The following P2RX7 variants were observed in gnomAD, a reference collection of about 807,000 sequenced individuals.
P2RX7 encodes purinergic receptor P2X 7, also known as P2X purinoceptor 7.
In P2RX7, 62 loss-of-function variants were observed where a neutral mutation model predicts 71.6. That is an observed-to-expected ratio of 0.87 (90% CI 0.71 to 1.07). The LOEUF (loss-of-function observed/expected upper bound fraction) is 1.07, where lower values mean the gene tolerates loss of function less well. Ranked by LOEUF, P2RX7 falls within the 50% of genes least tolerant of loss-of-function variation. P2RX7 has a pLI of 0.00. For synonymous variants in P2RX7, 299 were observed against 283.3 expected (o/e 1.06, Z -0.56); for missense variants, 686 against 748.5 (o/e 0.92, Z 0.97).
intron 3 of P2RX7, among the ~76,000 whole-genome samples, chr12:121,157,692 A>G (rs941236433): frequency 6.6e-6 from 1 of 152,234 alleles, no homozygotes; most frequent in Non-Finnish European, 1.5e-5. Flanking sequence ...CCAGAGATTA[A>G]GAGCCTGGGC....
intron 1 of P2RX7, among the ~76,000 whole-genome samples, chr12:121,139,837 C>T (rs1043092571): frequency 2.0e-5 from 3 of 149,952 alleles, no homozygotes; most frequent in East Asian, 2.0e-4. Context: ...TGGGTTCATG[C>T]GATTCTCCTG....
intron 1 of P2RX7, among the ~76,000 whole-genome samples, chr12:121,148,369 C>T (rs1047592836): frequency 3.9e-5 from 6 of 151,928 alleles, no homozygotes; most frequent in South Asian, 2.1e-4. Flanking sequence ...CACCCATCAC[C>T]GCACCTAGCT....
chr12:121,167,952 A>C (rs1881446123), intron 8 of P2RX7, among the ~76,000 whole-genome samples: 1 of 151,978 alleles, frequency 6.6e-6, no homozygotes, highest in African/African-American at 2.4e-5. Context: ...AGCTGAGATT[A>C]TAGGCGGATG....
chr12:121,141,337 G>A (rs117692465), intron 1 of P2RX7, among the ~76,000 whole-genome samples: 5,794 of 152,274 alleles, frequency 0.038, 145 homozygotes, highest in Middle Eastern at 0.11. Flanking sequence ...GCAGGCCTCC[G>A]GGGATGCTGC....
intron 1 of P2RX7, among the ~76,000 whole-genome samples, chr12:121,137,679 A>C (rs79600238): frequency 6.6e-6 from 1 of 152,326 alleles, no homozygotes; most frequent in East Asian, 1.9e-4. Context: ...GTGAAGCCTT[A>C]AGTTCGTGTA....
Position 121,184,673 on chromosome 12 carries a change from C to T in P2RX7, c.1659C>T (p.Tyr553=), listed in dbSNP as rs200109812. 9.5e-6 allele frequency: 15 copies of T among 1,584,508 alleles called. No homozygotes were observed. Among genetic ancestry groups the T allele is most frequent in the Non-Finnish European group, 1.2e-5 (14 of 1,165,692 alleles). The part of the protein sequence containing the change: ...SRLRHCAYRC[Y]ATWRFGSQDM... ...TGCGGCACTGTGCCTACAGGTGCTA[C>T]GCCACCTGGCGCTTCGGCTCCCAGG... The change falls in exon 13 of 13, where the codon TAC becomes TAT. Residue 553 remains tyrosine, a synonymous_variant. Transcript: ENST00000328963.
intron 12 of P2RX7, among the ~76,000 whole-genome samples, chr12:121,181,114 G>A (rs1884078451): frequency 6.6e-6 from 1 of 152,176 alleles, no homozygotes; most frequent in Non-Finnish European, 1.5e-5. Context: ...TGTTTCCAAA[G>A]ATTAATTTTA....
At position 121,177,389 on chromosome 12, in the gene P2RX7, T is replaced by C; in HGVS notation, c.1131T>C (p.Cys377=). ...CCTGGTGCAAGTGCTGTCAGCCCTG[T>C]GTGGTCAACGAATACTACTACAGGA... ...IYPWCKCCQP[C]VVNEYYYRKK... Residue 377 remains cysteine (C), a synonymous_variant, in exon 11 of 13, where the codon TGT becomes TGC. Transcript: ENST00000328963. The C allele has an allele frequency of 1.2e-6, 2 of 1,613,906 alleles. No homozygotes were observed.
intron 5 of P2RX7, among the ~76,000 whole-genome samples, chr12:121,162,980 G>A (rs1305093728): frequency 6.6e-6 from 1 of 151,432 alleles, no homozygotes; most frequent in Non-Finnish European, 1.5e-5. Context: ...TAAAAGAGGG[G>A]GGGAAGGAAG....
chr12:121,179,886 A>C (rs1231411939), intron 11 of P2RX7, among the ~76,000 whole-genome samples: 1 of 152,042 alleles, frequency 6.6e-6, no homozygotes, highest in Admixed American at 6.6e-5. Flanking sequence ...GTGGTGGCTC[A>C]CTCCTGTAAT....
intron 1 of P2RX7, among the ~76,000 whole-genome samples, chr12:121,151,471 A>G (rs1593037906): frequency 6.6e-6 from 1 of 152,030 alleles, no homozygotes; most frequent in Non-Finnish European, 1.5e-5. Flanking sequence ...CAGATGATCC[A>G]CCTGCCTCGG....
Position 121,180,451 on chromosome 12 carries a change from T to C in P2RX7, c.1286T>C (p.Val429Ala), listed in dbSNP as rs749180269. 1.3e-6 allele frequency: 2 copies of C among 1,526,294 alleles called. No homozygotes were observed. Among genetic ancestry groups the C allele is most frequent in the South Asian group, 2.4e-5 (2 of 83,192 alleles). 94.5% of individuals were successfully genotyped at this position (1,526,294 alleles called of 1,614,324 possible). A position where few individuals can be genotyped will look rare whatever the true frequency, so the allele number is the denominator to read the frequency against. Residue 429 changes from valine (V) to alanine (A), a missense_variant, in exon 12 of 13, where the codon GTC becomes GCC. Coordinates refer to ENST00000328963, the MANE Select transcript of P2RX7 (RefSeq NM_002562.6). The stretch of plus-strand genomic sequence containing the variant: ...CTGCAAGATGTCAAGGGCCAAGAAG[T>C]CCCAGTAAGTTAAATCATTTTGTCT... The part of the protein sequence containing the change: ...RSLQDVKGQE[V>A]PRPAMDFTDL...
rs1351978550 is a variant in P2RX7 at position 121,147,801 on chromosome 12, G to GGGGT, written c.126-6983_126-6980dup. Among the ~76,000 whole-genome samples, 46 of 152,108 alleles carry GGGGT rather than the reference G, an allele frequency of 3.0e-4. 1 individual carries two copies. The highest frequency in any genetic ancestry group is 1.1e-3 in the African/African-American group (45 of 41,480). ...TAATTTTTGTATTTTTAGTAGAGAT[G>GGGGT]GGGTTTCCACCATGTTGGCCAGGCG... is the stretch of plus-strand genomic sequence containing the variant. On this transcript the variant is annotated intron_variant, in intron 1 of 12. Transcript: ENST00000328963.
chr12:121,137,942 C>T (rs951318416), intron 1 of P2RX7, among the ~76,000 whole-genome samples: 1 of 152,152 alleles, frequency 6.6e-6, no homozygotes, highest in Admixed American at 6.5e-5. Flanking sequence ...CTGGTTATGG[C>T]GGAAATTAAC....
chr12:121,148,185 CTTTTTTAT>C lies in P2RX7; in HGVS notation c.126-6597_126-6590del, dbSNP rs376903903. Among the ~76,000 whole-genome samples the C allele has an allele frequency of 2.6e-4, 35 of 135,458 alleles. No individual in the cohort carries two copies. In the East Asian group the frequency reaches 3.5e-3, roughly 14 times the overall value. 88.9% of individuals were successfully genotyped at this position (135,458 alleles called of 152,430 possible). ...CTATGGGAATGACTTGGGCTGGGAT[CTTTTTTAT>C]TTATTTATTTATTTATTTATTTATT... On this transcript the variant is annotated intron_variant, in intron 1 of 12. Coordinates refer to ENST00000328963, the MANE Select transcript of P2RX7 (RefSeq NM_002562.6).
At chr12:121,167,366 G>C in intron 7 of P2RX7, 122 bp from the exon 8 acceptor site, 1 of 1,132,720 alleles carries the variant, frequency 8.8e-7, no homozygotes, top group Non-Finnish European at 1.3e-6. Flanking sequence ...TGTACATATG[G>C]TTCTTCAATC....
chr12:121,159,185 G>A (rs1451604712), intron 3 of P2RX7, among the ~76,000 whole-genome samples: 11 of 152,222 alleles, frequency 7.2e-5, no homozygotes, highest in Admixed American at 2.0e-4. Flanking sequence ...TTGGGAGGTC[G>A]AGGCAGGCAG....
Position 121,149,494 on chromosome 12 carries a change from A to G in P2RX7, c.126-5291A>G, listed in dbSNP as rs558762809. On this transcript the variant is annotated intron_variant, in intron 1 of 12. Coordinates refer to ENST00000328963, the MANE Select transcript of P2RX7 (RefSeq NM_002562.6). This position sits in a 1 kb window ranked among gnomAD's most constrained non-coding sequence, Gnocchi z 4.7. The stretch of plus-strand genomic sequence containing the variant: ...GGCAGGCAAAAAGTGAATGACAACC[A>G]AGCAAAAGAAGAAACCTCTTATAAA... Among the ~76,000 whole-genome samples the G allele has an allele frequency of 6.6e-6, 1 of 152,342 alleles. No individual in the cohort carries two copies. The highest frequency in any genetic ancestry group is 1.5e-5 in the Non-Finnish European group (1 of 68,030).
chr12:121,184,392 C>G lies in P2RX7; in HGVS notation c.1378C>G (p.Gln460Glu). The change falls in exon 13 of 13, where the codon CAG (glutamine) becomes GAG (glutamate). Residue 460 changes from glutamine (Q) to glutamate (E), a missense_variant. Gln to Glu is a conservative substitution (Grantham distance 29). Transcript: ENST00000328963. ...PPIPGQPEEI[Q>E]LLRKEATPRS... ...GATTCCTGGACAACCAGAGGAGATA[C>G]AGCTGCTTAGAAAGGAGGCGACTCC... is the stretch of plus-strand genomic sequence containing the variant. 2 of 1,614,170 alleles carry G rather than the reference C, an allele frequency of 1.2e-6. No homozygotes were observed. The highest frequency in any genetic ancestry group is 1.7e-6 in the Non-Finnish European group (2 of 1,180,028).
Sources: allele counts gnomAD v4.1 joint callset (sites outside exome capture counted in the v4.1 genomes callset), GRCh38; gene constraint gnomAD v4.1.1; non-coding constraint Gnocchi (gnomAD v3.1); transcripts MANE v1.5; gene names NCBI Gene and HGNC (gene_info 2026-07-23, HGNC 2026-07-21).